Variants in ABCC12 observed in about 807,000 individuals in gnomAD.
ABCC12 encodes the protein ATP binding cassette subfamily C member 12.
In ABCC12, 142 loss-of-function variants were observed where a neutral mutation model predicts 151.1. That is an observed-to-expected ratio of 0.94 (90% CI 0.82 to 1.08). ABCC12 has a LOEUF of 1.08. ABCC12 is among the 50% of genes least tolerant of loss of function. The pLI is 0.00. For missense variants in ABCC12, 1,638 were observed against 1,691.1 expected, an observed-to-expected ratio of 0.97 and a Z score of 0.55; for synonymous variants, 645 against 646.4, an observed-to-expected ratio of 1.00 and a Z score of 0.03.
chr16:48,095,595 A>G (rs1026405150), intron 24 of ABCC12, among the ~76,000 whole-genome samples: 7 of 152,252 alleles, frequency 4.6e-5, no homozygotes, highest in African/African-American at 1.7e-4. Flanking sequence ...GGCAAAGCTA[A>G]CAAAAATTCC....
At chr16:48,108,572 TG>T (rs1440755935) in intron 18 of ABCC12, 43 bp from the exon 19 acceptor site, 3 of 1,577,468 alleles carry the variant, frequency 1.9e-6, no homozygotes, top group Middle Eastern at 3.4e-4. Flanking sequence ...ACCACTGGGG[TG>T]GGGGCCCAGC....
chr16:48,119,230 C>A (rs760828538), intron 13 of ABCC12, among the ~76,000 whole-genome samples: 3 of 152,248 alleles, frequency 2.0e-5, no homozygotes, highest in Non-Finnish European at 4.4e-5. Context: ...CTCTCGTGAT[C>A]TCTGCTGCCT....
At chr16:48,139,073 T>C (rs974683859) in intron 7 of ABCC12, 90 bp downstream of exon 7, 59 of 1,413,912 alleles carry the variant, frequency 4.2e-5, no homozygotes, top group Non-Finnish European at 5.5e-5. Context: ...ACAGGCTTCA[T>C]GCGCCAGAAA....
At chr16:48,107,259 T>C (rs1360774476) in intron 20 of ABCC12, 63 bp downstream of exon 20, 4 of 1,500,394 alleles carry the variant, frequency 2.7e-6, no homozygotes, top group Non-Finnish European at 3.7e-6. Context: ...TCAGATGCTC[T>C]GGCAGCAGAG....
In ABCC12 at chr16:48,121,792, C is replaced by T. The variant is rs199996124; in HGVS notation, c.1636G>A (p.Val546Ile). The T allele has an allele frequency of 8.7e-6, 14 of 1,614,044 alleles. No individual in the cohort carries two copies. The highest frequency in any genetic ancestry group is 6.7e-5 in the East Asian group (3 of 44,894). ...VVAVNGTLAY[V>I]SQQAWIFHGN... ...TGAAAGATCCATGCCTGCTGTGAAA[C>T]GTAGGCCAAAGTTCCATTGACTGCC... is the stretch of plus-strand genomic sequence containing the variant. Residue 546 changes from valine (V) to isoleucine (I), a missense_variant, in exon 13 of 31, where the codon GTT (valine) becomes ATT (isoleucine). Val to Ile is a conservative substitution (Grantham distance 29). Coordinates refer to ENST00000311303, the MANE Select transcript of ABCC12 (RefSeq NM_001393797.1).
At position 48,121,777 on chromosome 16, in the gene ABCC12, A is replaced by G. The variant is rs1160172941; in HGVS notation, c.1651T>C (p.Trp551Arg). 2 of 1,614,182 alleles carry G rather than the reference A, an allele frequency of 1.2e-6. No individual in the cohort carries two copies. Among genetic ancestry groups the G allele is most frequent in the Non-Finnish European group, 8.5e-7 (1 of 1,180,042 alleles). ...GTLAYVSQQA[W>R]IFHGNVRENI... ...TCTCTCACATTTCCATGAAAGATCCATGCCTGCTGTGAAACGTAGGCCAAA... is the reference window on the plus strand; with the variant it reads ...TCTCTCACATTTCCATGAAAGATCCGTGCCTGCTGTGAAACGTAGGCCAAA... The change falls in exon 13 of 31, where the codon TGG becomes CGG. Residue 551 changes from tryptophan (W) to arginine (R), a missense_variant. Transcript: ENST00000311303.
Position 48,141,290 on chromosome 16 carries a change from G to T in ABCC12, c.339C>A (p.His113Gln), listed in dbSNP as rs752686078. 1.1e-5 allele frequency: 18 copies of T among 1,614,072 alleles called. No individual in the cohort carries two copies. In the East Asian group the frequency reaches 3.6e-4, roughly 32 times the overall value. ...RVGPEKASLS[H>Q]VVWKFQRTRV... is the part of the protein sequence containing the mutation. ...GTGTCCTCTGGAATTTCCACACCACGTGGCTCAGAGAGGCCTTCTCAGGAC... is the reference window on the plus strand; with the variant it reads ...GTGTCCTCTGGAATTTCCACACCACTTGGCTCAGAGAGGCCTTCTCAGGAC... The change falls in exon 5 of 31, where the codon CAC becomes CAA. Residue 113 changes from histidine (H) to glutamine (Q), a missense_variant. Transcript: ENST00000311303.
At chr16:48,101,047 G>T (rs764416997) in intron 22 of ABCC12, 38 bp from the exon 23 acceptor site, 88 of 1,607,624 alleles carry the variant, frequency 5.5e-5, no homozygotes, top group Non-Finnish European at 7.1e-5. Flanking sequence ...GGGCCACAAA[G>T]TGAGGTCTCA....
chr16:48,141,943 A>G (rs16945878), intron 4 of ABCC12, among the ~76,000 whole-genome samples: 4,909 of 152,312 alleles, frequency 0.032, 250 homozygotes, highest in African/African-American at 0.11. Context: ...ATTGGCTGCT[A>G]TGAAAGTGAT....
In ABCC12 at chr16:48,083,503, C is replaced by T. The variant is rs76139125; in HGVS notation, c.*212G>A. On this transcript the variant is annotated 3_prime_UTR_variant, in exon 31 of 31. Transcript: ENST00000311303. ...TTTAATCCATTAGCTGGGTCTGCCC[C>T]GGTTCACCACCCAGAACCAACCCCA... 3,093 of 569,036 alleles carry T rather than the reference C, an allele frequency of 5.4e-3. 79 individuals carry two copies. Among genetic ancestry groups the T allele is most frequent in the African/African-American group, 0.053 (2,773 of 52,192 alleles). The allele number at this position is 569,036 out of a possible 1,614,324, so 35.2% of individuals were successfully genotyped here.
intron 26 of ABCC12, 44 bp from the exon 27 acceptor site, chr16:48,088,129 G>A (rs780068897): frequency 6.3e-6 from 10 of 1,596,758 alleles, no homozygotes; most frequent in Non-Finnish European, 8.6e-6. Context: ...ACATCAGTTT[G>A]TGCTTCCATC....
At chr16:48,130,526 T>C (rs1232262620) in intron 10 of ABCC12, among the ~76,000 whole-genome samples, 1 of 152,196 alleles carries the variant, frequency 6.6e-6, no homozygotes, top group African/African-American at 2.4e-5. Flanking sequence ...GATGTATAGA[T>C]TGTTTAGGAA....
At position 48,154,715 on chromosome 16, in the gene ABCC12, A is replaced by G. The variant is rs1965161247; in HGVS notation, c.-319-831T>C. 3.9e-5 allele frequency among the ~76,000 whole-genome samples: 6 copies of G among 152,094 alleles called. No individual in the cohort carries two copies. In the South Asian group the frequency reaches 1.2e-3, roughly 31 times the overall value. ...TGCCCACTTTGCTCTGTTATATTTCATTTCTGCCCCTGTCTAGCCCAGAAA... is the reference window on the plus strand; with the variant it reads ...TGCCCACTTTGCTCTGTTATATTTCGTTTCTGCCCCTGTCTAGCCCAGAAA... On this transcript the variant is annotated intron_variant, in intron 1 of 30. Coordinates refer to ENST00000311303, the MANE Select transcript of ABCC12 (RefSeq NM_001393797.1).
intron 18 of ABCC12, 55 bp from the exon 19 acceptor site, chr16:48,108,584 G>A (rs1304637184): frequency 8.1e-6 from 12 of 1,487,862 alleles, no homozygotes; most frequent in African/African-American, 1.4e-5. Context: ...GGGGCCCAGC[G>A]AGGTAGGCAC....
In ABCC12 at chr16:48,083,658, C is replaced by G. The variant is rs894660769; in HGVS notation, c.*57G>C. On this transcript the variant is annotated 3_prime_UTR_variant, in exon 31 of 31. Transcript: ENST00000311303. ...AGAGGACAGCCCCTCCTCCTGAAGA[C>G]TCCTCCTATTCATCTCACAGAGCCT... The G allele has an allele frequency of 2.6e-6, 4 of 1,565,264 alleles. No homozygotes were observed. The highest frequency in any genetic ancestry group is 3.5e-6 in the Non-Finnish European group (4 of 1,140,458).
Position 48,124,283 on chromosome 16 carries a change from C to T in ABCC12, c.1517G>A (p.Gly506Glu). The T allele has an allele frequency of 6.2e-7, 1 of 1,614,090 alleles. No individual in the cohort carries two copies. Among genetic ancestry groups the T allele is most frequent in the Non-Finnish European group, 8.5e-7 (1 of 1,179,922 alleles). The change falls in exon 12 of 31, where the codon GGG (glycine) becomes GAG (glutamate). Residue 506 changes from glycine (G) to glutamate (E), a missense_variant and splice_region_variant. Transcript: ENST00000311303. ...ATTCCCACATATTCCCAAGATCTTC[C>T]CCTGCCAGAGAAACAGAGATGGGAC... The part of the protein sequence containing the change: ...LHSISFVVRK[G>E]KILGICGNVG...
chr16:48,146,214 G>A, intron 3 of ABCC12, 92 bp downstream of exon 3: 1 of 1,102,790 alleles, frequency 9.1e-7, no homozygotes, highest in Non-Finnish European at 1.4e-6. Context: ...AGATAGAGCA[G>A]CAGATGGGTT....
At chr16:48,112,337 T>A (rs1026733335) in intron 15 of ABCC12, among the ~76,000 whole-genome samples, 13 of 152,186 alleles carry the variant, frequency 8.5e-5, no homozygotes, top group Admixed American at 6.5e-5. Context: ...GGCTCACACC[T>A]GTAGTCCCGG....
Position 48,083,487 on chromosome 16 carries a change from T to C in ABCC12, c.*228A>G. ...AGGTGAAGGGCAGTTTTTTAATCCA[T>C]TAGCTGGGTCTGCCCCGGTTCACCA... On this transcript the variant is annotated 3_prime_UTR_variant, in exon 31 of 31. Coordinates refer to ENST00000311303, the MANE Select transcript of ABCC12 (RefSeq NM_001393797.1). The C allele has an allele frequency of 2.0e-6, 1 of 507,234 alleles. No homozygotes were observed. Among genetic ancestry groups the C allele is most frequent in the Non-Finnish European group, 3.4e-6 (1 of 292,378 alleles). The allele number at this position is 507,234 out of a possible 1,614,324, so 31.4% of individuals were successfully genotyped here. A position where few individuals can be genotyped will look rare whatever the true frequency, so the allele number is the denominator to read the frequency against.
Sources: gnomAD v4.1 joint callset for allele counts (sites outside exome capture counted in the v4.1 genomes callset) on GRCh38, gnomAD v4.1.1 for gene constraint, MANE v1.5 for transcripts, NCBI Gene and HGNC (gene_info 2026-07-23, HGNC 2026-07-21) for gene names.